CENPC: variants seen among roughly 807,000 people sequenced by gnomAD.
CENPC encodes the protein CENP-C 1.
In CENPC, 63 loss-of-function variants were observed where a neutral mutation model predicts 112.1. The ratio of observed to expected loss-of-function variants is 0.56; its 90% CI spans 0.46 to 0.69. CENPC has a LOEUF of 0.69. CENPC is among the 30% of genes least tolerant of loss of function. The probability of loss-of-function intolerance (pLI) is 0.00; values close to 1 mark genes in which losing one functional copy is unlikely to be tolerated. For missense variants in CENPC, 1,000 were observed against 1,103.8 expected (o/e 0.91, Z 1.33); for synonymous variants, 333 against 367.6 (o/e 0.91, Z 1.08).
At chr4:67,502,527 T>G (rs370189437) in intron 12 of CENPC, among the ~76,000 whole-genome samples, 40 of 152,324 alleles carry the variant, frequency 2.6e-4, no homozygotes, top group South Asian at 2.1e-3. Context: ...ACACTCCATA[T>G]GAAGGCTTAT....
At chr4:67,486,977 T>TTTC (rs1725112738) in intron 17 of CENPC, among the ~76,000 whole-genome samples, 1 of 150,148 alleles carries the variant, frequency 6.7e-6, no homozygotes, top group Admixed American at 6.6e-5. Flanking sequence ...GGTTTTTTTT[T>TTTC]TTTTTTTTCT....
chr4:67,498,571 T>C (rs72924949), intron 12 of CENPC, among the ~76,000 whole-genome samples: 191 of 152,278 alleles, frequency 1.3e-3, no homozygotes, highest in African/African-American at 4.4e-3. Context: ...TCACCAGGAG[T>C]AGATTCCAAC....
At chr4:67,481,150 C>T (rs777027735) in intron 17 of CENPC, among the ~76,000 whole-genome samples, 6 of 152,118 alleles carry the variant, frequency 3.9e-5, no homozygotes, top group Non-Finnish European at 7.4e-5. Flanking sequence ...ACACCAGCAG[C>T]GACCAAGCTG....
chr4:67,481,405 C>T (rs958140222), intron 17 of CENPC, among the ~76,000 whole-genome samples: 3 of 151,938 alleles, frequency 2.0e-5, no homozygotes, highest in Admixed American at 2.0e-4. Context: ...AAAAGCAATC[C>T]TAAAATTCAT....
In CENPC at chr4:67,505,042, T is replaced by C. The variant is rs1049044876; in HGVS notation, c.2131+163A>G. 5.2e-6 allele frequency: 3 copies of C among 576,624 alleles called. No individual in the cohort carries two copies. In the African/African-American group the frequency reaches 5.8e-5, roughly 11 times the overall value. The allele number at this position is 576,624 out of a possible 1,614,324, so 35.7% of individuals were successfully genotyped here. ...AAAACTGTCACTCATTTTCTTTCTG[T>C]CTCACTTAGGTACAGGGTCTTATTA... On this transcript the variant is annotated intron_variant, in intron 12 of 18. Coordinates refer to ENST00000273853, the MANE Select transcript of CENPC (RefSeq NM_001812.4).
chr4:67,509,207 TACACACACACACAC>T (rs36207189), intron 9 of CENPC, 102 bp from the exon 10 acceptor site: 16,292 of 481,984 alleles, frequency 0.034, 125 homozygotes, highest in Non-Finnish European at 0.039. Flanking sequence ...CATATACACA[TACACACACACACAC>T]ACACACACAC....
chr4:67,495,843 G>T (rs1301307418), intron 12 of CENPC, among the ~76,000 whole-genome samples: 1 of 152,136 alleles, frequency 6.6e-6, no homozygotes, highest in African/African-American at 2.4e-5. Flanking sequence ...AAGCTCAGGG[G>T]TTCTCAACTT....
intron 17 of CENPC, 45 bp downstream of exon 17, chr4:67,489,922 A>G: frequency 7.1e-7 from 1 of 1,407,470 alleles, no homozygotes; most frequent in Non-Finnish European, 9.4e-7. Flanking sequence ...AATAAATCAG[A>G]GTTCTACCAA....
chr4:67,480,081 A>T (rs975711284), intron 17 of CENPC, among the ~76,000 whole-genome samples: 5 of 152,218 alleles, frequency 3.3e-5, no homozygotes, highest in Non-Finnish European at 7.3e-5. Flanking sequence ...ACACTTTGGG[A>T]GGCTGAGGCA....
At chr4:67,544,403 G>T (rs1328188295) in intron 1 of CENPC, among the ~76,000 whole-genome samples, 3 of 152,070 alleles carry the variant, frequency 2.0e-5, no homozygotes. Flanking sequence ...GCTTTATTCC[G>T]CTTCTCTCCC....
chr4:67,486,691 C>T (rs1725102890), intron 17 of CENPC, among the ~76,000 whole-genome samples: 2 of 152,158 alleles, frequency 1.3e-5, no homozygotes, highest in Non-Finnish European at 2.9e-5. Flanking sequence ...ACCTACAGGA[C>T]GGCCCCCACT....
rs1418116275 is a variant in CENPC at position 67,492,217 on chromosome 4, C to T, written c.2478G>A (p.Arg826=). ...IPLGDPLQPT[R]VKDPETREII... is the part of the protein sequence containing the mutation. ...TCTCTCTTGTTTCTGGGTCCTTTACCCTCGTTGGCTGCAAAGGATCTCCAA... is the reference window on the plus strand; with the variant it reads ...TCTCTCTTGTTTCTGGGTCCTTTACTCTCGTTGGCTGCAAAGGATCTCCAA... The change falls in exon 16 of 19, where the codon AGG becomes AGA. Residue 826 remains arginine (R), a synonymous_variant. Transcript: ENST00000273853. The T allele has an allele frequency of 1.9e-6, 3 of 1,569,000 alleles. No individual in the cohort carries two copies. The Admixed American group carries it at 5.6e-5, about 29-fold the overall frequency.
intron 4 of CENPC, among the ~76,000 whole-genome samples, chr4:67,531,152 A>G (rs1726536407): frequency 6.6e-6 from 1 of 152,166 alleles, no homozygotes. Context: ...ATATTACTCT[A>G]AACAGCAACT....
At chr4:67,497,658 G>A (rs1329649961) in intron 12 of CENPC, among the ~76,000 whole-genome samples, 6 of 151,978 alleles carry the variant, frequency 3.9e-5, no homozygotes, top group Non-Finnish European at 5.9e-5. Context: ...TCAGCCCGCC[G>A]AGTAGCCGGA....
intron 1 of CENPC, 28 bp from the exon 2 acceptor site, chr4:67,544,223 GT>G: frequency 7.3e-7 from 1 of 1,368,138 alleles, no homozygotes; most frequent in Non-Finnish European, 1.0e-6. Context: ...CATCAATTTG[GT>G]TTCTTTAAGA....
chr4:67,485,474 C>CT (rs200945714), intron 17 of CENPC, among the ~76,000 whole-genome samples: 2 of 151,758 alleles, frequency 1.3e-5, no homozygotes, highest in Non-Finnish European at 1.5e-5. Context: ...TCTTAACCCC[C>CT]CCAATGTGAT....
At chr4:67,479,655 C>A (rs1369369199) in intron 17 of CENPC, among the ~76,000 whole-genome samples, 1 of 152,100 alleles carries the variant, frequency 6.6e-6, no homozygotes, top group African/African-American at 2.4e-5. Context: ...AAGGTCACAC[C>A]TCAAGGAGCT....
At chr4:67,514,006 GT>G in intron 8 of CENPC, 67 bp downstream of exon 8, 1 of 1,417,870 alleles carries the variant, frequency 7.1e-7, no homozygotes, top group Non-Finnish European at 9.2e-7. Context: ...CCAAAGCTAA[GT>G]TAGGATATTA....
chr4:67,493,066 T>G, intron 14 of CENPC, 69 bp from the exon 15 acceptor site: 1 of 1,243,462 alleles, frequency 8.0e-7, no homozygotes, highest in Admixed American at 3.2e-5. Flanking sequence ...CTCCTTAAAT[T>G]TAATATGGCA....
Sources: allele counts gnomAD v4.1 joint callset (sites outside exome capture counted in the v4.1 genomes callset), GRCh38; gene constraint gnomAD v4.1.1; transcripts MANE v1.5; gene names NCBI Gene and HGNC (gene_info 2026-07-23, HGNC 2026-07-21).